The following IFFO2 variants were observed in gnomAD, a reference collection of about 807,000 sequenced individuals.
The protein encoded by IFFO2 is intermediate filament family orphan 2.
Under a neutral mutation model 53.5 loss-of-function variants are expected in IFFO2, and 19 were observed. The observed-to-expected ratio is 0.36, with a 90% CI of 0.25 to 0.52. The LOEUF (loss-of-function observed/expected upper bound fraction) is 0.52. Ranked by LOEUF, IFFO2 falls within the 20% of genes least tolerant of loss-of-function variation. The probability of loss-of-function intolerance (pLI) is 0.94; values close to 1 mark genes in which losing one functional copy is unlikely to be tolerated. For synonymous variants in IFFO2, 303 were observed against 313.6 expected, an observed-to-expected ratio of 0.97 and a Z score of 0.36; for missense variants, 570 against 727.4, an observed-to-expected ratio of 0.78 and a Z score of 2.49.
intron 2 of IFFO2, among the ~76,000 whole-genome samples, chr1:18,920,196 T>A (rs1936197926): frequency 6.6e-6 from 1 of 152,116 alleles, no homozygotes; most frequent in Non-Finnish European, 1.5e-5. Context: ...ACACGCCAGT[T>A]TTTCAACTGT....
chr1:18,953,766 C>T (rs1044212245), intron 1 of IFFO2, among the ~76,000 whole-genome samples: 8 of 152,186 alleles, frequency 5.3e-5, no homozygotes, highest in Non-Finnish European at 5.9e-5. Context: ...TCCAGGCCAG[C>T]GCCAGAAGCT....
chr1:18,905,258 G>A lies in IFFO2; in HGVS notation c.*3303C>T, dbSNP rs1477267121. On this transcript the variant is annotated 3_prime_UTR_variant, in exon 9 of 9. Coordinates refer to ENST00000455833, the MANE Select transcript of IFFO2 (RefSeq NM_001136265.2). ...GAAGTGGGACCTACACTCTGCTGAA[G>A]CTGCTCATGGGTGTGGATGACCAAA... The A allele has an allele frequency of 6.6e-6, 1 of 151,612 alleles. No homozygotes were observed. Among genetic ancestry groups the A allele is most frequent in the Non-Finnish European group, 1.5e-5 (1 of 67,970 alleles). The allele number at this position is 151,612 out of a possible 1,614,324, so 9.4% of individuals were successfully genotyped here. A position where few individuals can be genotyped will look rare whatever the true frequency, so the allele number is the denominator to read the frequency against.
Position 18,918,913 on chromosome 1 carries a change from G to A in IFFO2, c.823-411C>T, listed in dbSNP as rs1042558300. 6.6e-6 allele frequency among the ~76,000 whole-genome samples: 1 copy of A among 152,276 alleles called. No homozygotes were observed. The highest frequency in any genetic ancestry group is 2.4e-5 in the African/African-American group (1 of 41,546). On this transcript the variant is annotated intron_variant, in intron 3 of 8. Coordinates refer to ENST00000455833, the MANE Select transcript of IFFO2 (RefSeq NM_001136265.2). The surrounding 1 kb of genome is among the most constrained non-coding windows in gnomAD (Gnocchi z 5.2). The stretch of plus-strand genomic sequence containing the variant: ...TCCTGGATGCCTCCCAAGGCCGGCA[G>A]TGGGAGTCACTGAGGACCACAGGGT...
At chr1:18,908,831 G>A (rs1237815702) in intron 8 of IFFO2, among the ~76,000 whole-genome samples, 165 bp from the exon 9 acceptor site, 2 of 152,108 alleles carry the variant, frequency 1.3e-5, no homozygotes, top group African/African-American at 4.8e-5. Flanking sequence ...TTAAGCTCAC[G>A]AGGTAACCCC....
intron 1 of IFFO2, among the ~76,000 whole-genome samples, chr1:18,925,826 GGA>G (rs1331356400): frequency 1.7e-4 from 14 of 82,768 alleles, no homozygotes; most frequent in Non-Finnish European, 3.0e-4. Flanking sequence ...ATGGATGGAT[GGA>G]TGGATGGATG....
intron 6 of IFFO2, 132 bp from the exon 7 acceptor site, chr1:18,911,608 G>A (rs956256064): frequency 2.2e-5 from 9 of 410,930 alleles, no homozygotes; most frequent in South Asian, 5.4e-5. Context: ...GTATGATCTC[G>A]GCTCACTACA....
intron 5 of IFFO2, among the ~76,000 whole-genome samples, chr1:18,913,883 T>A (rs1410311474): frequency 6.6e-6 from 1 of 152,148 alleles, no homozygotes; most frequent in Non-Finnish European, 1.5e-5. Flanking sequence ...CAGGCTGGAG[T>A]GCAGTGGTGC....
Position 18,918,818 on chromosome 1 carries a change from C to T in IFFO2, c.823-316G>A, listed in dbSNP as rs984198532. ...TAGAGCGAAGAAAAAAGACAACTCC[C>T]GCTGGAGAAAGACAGCCCTTCTTTT... On this transcript the variant is annotated intron_variant, in intron 3 of 8. Coordinates refer to ENST00000455833, the MANE Select transcript of IFFO2 (RefSeq NM_001136265.2). This position sits in a 1 kb window ranked among gnomAD's most constrained non-coding sequence, Gnocchi z 5.2. Among the ~76,000 whole-genome samples the T allele has an allele frequency of 6.6e-5, 10 of 152,124 alleles. No homozygotes were observed. The highest frequency in any genetic ancestry group is 2.4e-4 in the African/African-American group (10 of 41,412).
intron 1 of IFFO2, among the ~76,000 whole-genome samples, chr1:18,946,581 ATTTTTTTGTAT>A (rs1189057393): frequency 6.6e-6 from 1 of 151,396 alleles, no homozygotes; most frequent in Non-Finnish European, 1.5e-5. Flanking sequence ...TGCCCGGCTA[ATTTTTTTGTAT>A]TTTTTTTGTA....
chr1:18,955,624 T>G (rs762371571), intron 1 of IFFO2, 44 bp downstream of exon 1: 1 of 1,523,344 alleles, frequency 6.6e-7, no homozygotes, highest in Admixed American at 2.0e-5. Flanking sequence ...AGCCTGGACC[T>G]GGGCGCCCCG....
At chr1:18,921,237 C>A in intron 1 of IFFO2, 116 bp from the exon 2 acceptor site, 1 of 886,130 alleles carries the variant, frequency 1.1e-6, no homozygotes, top group South Asian at 1.5e-5. Context: ...AAGGAAGGTG[C>A]ATTGGGGCAT....
intron 6 of IFFO2, 27 bp from the exon 7 acceptor site, chr1:18,911,503 T>C (rs1936037382): frequency 1.2e-6 from 1 of 856,222 alleles, no homozygotes; most frequent in Non-Finnish European, 1.7e-6. Flanking sequence ...AACGGGACAG[T>C]TTATTTTATT....
At chr1:18,933,735 G>C (rs1936409588) in intron 1 of IFFO2, among the ~76,000 whole-genome samples, 1 of 152,132 alleles carries the variant, frequency 6.6e-6, no homozygotes. Flanking sequence ...TCCAGCCTGG[G>C]TGACAGAGCA....
chr1:18,934,857 G>A (rs1041844653), intron 1 of IFFO2, among the ~76,000 whole-genome samples: 1 of 152,222 alleles, frequency 6.6e-6, no homozygotes, highest in Non-Finnish European at 1.5e-5. Flanking sequence ...CTGGTTTGAT[G>A]GGTCCTCCAC....
At chr1:18,909,548 G>T (rs921591405) in intron 8 of IFFO2, among the ~76,000 whole-genome samples, 1 of 152,146 alleles carries the variant, frequency 6.6e-6, no homozygotes, top group Non-Finnish European at 1.5e-5. Flanking sequence ...TCGTGGGGGC[G>T]GTTTCCCCCA....
At chr1:18,940,775 CT>C (rs1414336806) in intron 1 of IFFO2, among the ~76,000 whole-genome samples, 5 of 152,194 alleles carry the variant, frequency 3.3e-5, no homozygotes, top group Non-Finnish European at 7.3e-5. Context: ...ATCCAAATCC[CT>C]TCTTTAACTT....
chr1:18,931,718 T>C (rs1373095724), intron 1 of IFFO2, among the ~76,000 whole-genome samples: 1 of 152,258 alleles, frequency 6.6e-6, no homozygotes, highest in Non-Finnish European at 1.5e-5. Context: ...ATTCCCACTA[T>C]ACACACTCAG....
intron 1 of IFFO2, among the ~76,000 whole-genome samples, chr1:18,930,477 G>A (rs77590341): frequency 0.038 from 5,815 of 152,298 alleles, 171 homozygotes; most frequent in Middle Eastern, 0.068. Flanking sequence ...CAGAAGGAAA[G>A]AAGCCAGATG....
At chr1:18,920,555 G>T (rs771143207) in intron 2 of IFFO2, among the ~76,000 whole-genome samples, 7 of 152,214 alleles carry the variant, frequency 4.6e-5, no homozygotes, top group Non-Finnish European at 8.8e-5. Context: ...GAGTTGCAGA[G>T]CCCAGAATGC....
Sources: gnomAD v4.1 joint callset for allele counts (sites outside exome capture counted in the v4.1 genomes callset) on GRCh38, gnomAD v4.1.1 for gene constraint, Gnocchi (gnomAD v3.1) non-coding constraint, MANE v1.5 for transcripts, NCBI Gene and HGNC (gene_info 2026-07-23, HGNC 2026-07-21) for gene names.